The following CEPT1 variants were observed in gnomAD, a reference collection of about 807,000 sequenced individuals.
The protein encoded by CEPT1 is choline/ethanolamine phosphotransferase 1.
In CEPT1, 7 loss-of-function variants were observed where a neutral mutation model predicts 42.6. The observed-to-expected ratio is 0.16, with a 90% CI of 0.09 to 0.31. The LOEUF is 0.31. CEPT1 is among the 10% of genes least tolerant of loss of function. CEPT1 has a pLI of 1.00. For missense variants in CEPT1, 306 were observed against 502.1 expected, an observed-to-expected ratio of 0.61 and a Z score of 3.73; for synonymous variants, 171 against 171.9, an observed-to-expected ratio of 0.99 and a Z score of 0.04.
At chr1:111,161,335 A>G (rs1655858595) in intron 4 of CEPT1, 39 bp downstream of exon 4, 2 of 1,547,222 alleles carry the variant, frequency 1.3e-6, no homozygotes, top group Non-Finnish European at 1.8e-6. Flanking sequence ...TTTCTCTTTC[A>G]CATATGGAGA....
chr1:111,161,552 G>A (rs1427145079), intron 4 of CEPT1, among the ~76,000 whole-genome samples: 1 of 152,032 alleles, frequency 6.6e-6, no homozygotes, highest in Non-Finnish European at 1.5e-5. Context: ...CCTCATCTTT[G>A]TCTTTCCCAC....
At chr1:111,165,044 CTTTTTTTTTT>C (rs11323094) in intron 4 of CEPT1, among the ~76,000 whole-genome samples, 1 of 83,972 alleles carries the variant, frequency 1.2e-5, no homozygotes, top group African/African-American at 5.0e-5. Context: ...AAACATCGGT[CTTTTTTTTTT>C]TTTTTTTTTT....
At chr1:111,174,837 TTG>T in intron 4 of CEPT1, 40 bp from the exon 5 acceptor site, 1 of 1,190,332 alleles carries the variant, frequency 8.4e-7, no homozygotes, top group Non-Finnish European at 1.3e-6. Context: ...CTTGAAATTG[TTG>T]TGACTAATTC....
intron 1 of CEPT1, among the ~76,000 whole-genome samples, chr1:111,145,501 A>AT (rs2101225278): frequency 6.6e-6 from 1 of 152,294 alleles, no homozygotes; most frequent in East Asian, 1.9e-4. Context: ...AAATTTTGGA[A>AT]TTTGATATTT....
intron 2 of CEPT1, among the ~76,000 whole-genome samples, chr1:111,150,078 G>C (rs1302707953): frequency 6.6e-6 from 1 of 152,218 alleles, no homozygotes; most frequent in African/African-American, 2.4e-5. Context: ...CTGAGCTGCT[G>C]CTTGTTGTTC....
Position 111,184,666 on chromosome 1 carries a change from A to G in CEPT1, c.*356A>G, listed in dbSNP as rs1305861353. 1 of 158,006 alleles carries G rather than the reference A, an allele frequency of 6.3e-6. No homozygotes were observed. The allele number at this position is 158,006 out of a possible 1,614,324, so 9.8% of individuals were successfully genotyped here. On this transcript the variant is annotated 3_prime_UTR_variant, in exon 9 of 9. Transcript: ENST00000357172. Reference sequence around the variant, plus strand: ...TTGCAGGCCAAAAGATGATTGCTTTATAATTTTAACAAATCATTGTCTTTT... The same window carrying G: ...TTGCAGGCCAAAAGATGATTGCTTTGTAATTTTAACAAATCATTGTCTTTT...
chr1:111,172,481 G>A lies in CEPT1; in HGVS notation c.630-2398G>A, dbSNP rs372606767. ...ACTGTATTTCCTGTATGATCAAAAA[G>A]ATTAAAATGAGCCTCTTTGTAGTAT... On this transcript the variant is annotated intron_variant, in intron 4 of 8. Coordinates refer to ENST00000357172, the MANE Select transcript of CEPT1 (RefSeq NM_006090.5). Among the ~76,000 whole-genome samples the A allele has an allele frequency of 2.6e-5, 4 of 152,224 alleles. No homozygotes were observed. In the East Asian group the frequency reaches 7.7e-4, roughly 29 times the overall value.
intron 2 of CEPT1, among the ~76,000 whole-genome samples, chr1:111,152,151 G>A (rs989780232): frequency 6.0e-5 from 9 of 149,622 alleles, no homozygotes; most frequent in Non-Finnish European, 1.2e-4. Flanking sequence ...ATCATGAGTT[G>A]TTTAAACACT....
At chr1:111,139,926 C>T (rs932642063), upstream of CEPT1, 1 of 152,446 alleles carries the variant, frequency 6.6e-6, no homozygotes, top group African/African-American at 2.4e-5. Context: ...TAAGGGGGCT[C>T]CAGGCTGCGC....
In CEPT1 at chr1:111,148,072, A is replaced by G. The variant is rs775425427; in HGVS notation, c.339+19A>G. The G allele has an allele frequency of 9.2e-5, 146 of 1,588,320 alleles. No homozygotes were observed. The highest frequency in any genetic ancestry group is 9.5e-5 in the Non-Finnish European group (110 of 1,158,500). ...AGAGCAGGTAAGAGTTTCTTAACAG[A>G]TCTCAACATTTGCTATATACCAAAA... On this transcript the variant is annotated intron_variant, in intron 2 of 8. Transcript: ENST00000357172.
rs550581169 is a variant in CEPT1 at position 111,182,639 on chromosome 1, T to G, written c.847-160T>G. On this transcript the variant is annotated intron_variant, in intron 6 of 8. Transcript: ENST00000357172. Reference sequence around the variant, plus strand: ...GCCTAATGAATTTATGCTGCTACTTTTCATTAGCTCTTCTAGTTTGTGATT... The same window carrying G: ...GCCTAATGAATTTATGCTGCTACTTGTCATTAGCTCTTCTAGTTTGTGATT... The G allele has an allele frequency of 7.6e-6, 5 of 657,492 alleles. No homozygotes were observed. The East Asian group carries it at 8.6e-5, about 11-fold the overall frequency. The allele number at this position is 657,492 out of a possible 1,614,324, so 40.7% of individuals were successfully genotyped here. A position where few individuals can be genotyped will look rare whatever the true frequency, so the allele number is the denominator to read the frequency against.
chr1:111,176,995 C>T (rs757182268), intron 5 of CEPT1, among the ~76,000 whole-genome samples: 8 of 152,184 alleles, frequency 5.3e-5, no homozygotes, highest in Non-Finnish European at 7.3e-5. Flanking sequence ...AGTGGAGCAG[C>T]ACAATAGCAT....
intron 6 of CEPT1, 197 bp from the exon 7 acceptor site, chr1:111,182,602 T>C: frequency 1.7e-6 from 1 of 587,748 alleles, no homozygotes; most frequent in Non-Finnish European, 2.9e-6. Context: ...TTAAGTGAAA[T>C]CCTCAGTTTG....
intron 4 of CEPT1, among the ~76,000 whole-genome samples, chr1:111,165,630 C>T (rs185722018): frequency 6.6e-5 from 10 of 152,216 alleles, no homozygotes; most frequent in Admixed American, 3.3e-4. Flanking sequence ...TGTGAGTCTA[C>T]TAATTCTACA....
In CEPT1 at chr1:111,151,227, C is replaced by T. The variant is rs987831125; in HGVS notation, c.339+3174C>T. Among the ~76,000 whole-genome samples the T allele has an allele frequency of 3.3e-5, 5 of 151,494 alleles. 1 individual carries two copies. Among genetic ancestry groups the T allele is most frequent in the Admixed American group, 1.3e-4 (2 of 15,210 alleles). On this transcript the variant is annotated intron_variant, in intron 2 of 8. Transcript: ENST00000357172. The stretch of plus-strand genomic sequence containing the variant: ...GCAACCTCCACCTCCCTGGTTCAAG[C>T]GATTTCTCCTGCCTCAGCCTCCCGA...
At chr1:111,143,272 G>C (rs1190130699) in intron 1 of CEPT1, among the ~76,000 whole-genome samples, 3 of 152,138 alleles carry the variant, frequency 2.0e-5, no homozygotes, top group African/African-American at 7.2e-5. Context: ...CATTTTCTTG[G>C]ATTATTCTTC....
In CEPT1 at chr1:111,145,708, C is replaced by T. The variant is rs530881968; in HGVS notation, c.-73-1934C>T. ...ACATGTGGCCTGGGTTCATAGTCCT[C>T]TAGCCATGGCCGGGTCTCAGTTCAG... On this transcript the variant is annotated intron_variant, in intron 1 of 8. Transcript: ENST00000357172. Among the ~76,000 whole-genome samples, 5 of 152,324 alleles carry T rather than the reference C, an allele frequency of 3.3e-5. No homozygotes were observed. The South Asian group carries it at 1.0e-3, about 32-fold the overall frequency.
chr1:111,148,905 A>G (rs752173409), intron 2 of CEPT1, among the ~76,000 whole-genome samples: 19 of 152,240 alleles, frequency 1.2e-4, no homozygotes, highest in Non-Finnish European at 2.5e-4. Flanking sequence ...AGTAGAAGGT[A>G]ATTCTAACTA....
intron 1 of CEPT1, among the ~76,000 whole-genome samples, chr1:111,141,251 A>G (rs956877121): frequency 9.2e-5 from 14 of 152,320 alleles, no homozygotes; most frequent in African/African-American, 2.9e-4. Flanking sequence ...GACTTTGGTA[A>G]GGGCATTTAG....
Sources: allele counts gnomAD v4.1 joint callset (sites outside exome capture counted in the v4.1 genomes callset), GRCh38; gene constraint gnomAD v4.1.1; transcripts MANE v1.5; gene names NCBI Gene and HGNC (gene_info 2026-07-23, HGNC 2026-07-21).